Variants in CRLS1 observed in about 807,000 individuals in gnomAD.
CRLS1 encodes cardiolipin synthase (CMP-forming).
CRLS1 carries 24 observed loss-of-function variants against 37.0 expected under a neutral mutation model. The observed-to-expected ratio is 0.65, with a 90% CI of 0.47 to 0.91. The LOEUF is 0.91. Among genes scored for constraint, CRLS1 ranks in the 40% least tolerant of loss-of-function variants. The pLI is 0.00. For missense variants in CRLS1, 373 were observed against 395.8 expected, an observed-to-expected ratio of 0.94 and a Z score of 0.49; for synonymous variants, 135 against 159.7, an observed-to-expected ratio of 0.85 and a Z score of 1.17.
intron 3 of CRLS1, among the ~76,000 whole-genome samples, chr20:6,027,905 G>A (rs930405379): frequency 1.3e-5 from 2 of 152,176 alleles, no homozygotes; most frequent in African/African-American, 4.8e-5. Context: ...AGTTTCTCTT[G>A]TGGGAATTCC....
chr20:6,020,879 T>G (rs892575284), intron 3 of CRLS1, among the ~76,000 whole-genome samples: 2 of 150,548 alleles, frequency 1.3e-5, no homozygotes, highest in Non-Finnish European at 3.0e-5. Context: ...TGATCCGCCC[T>G]CCTCTGCCTC....
chr20:6,024,523 C>T (rs1242737213), intron 3 of CRLS1, among the ~76,000 whole-genome samples: 1 of 152,148 alleles, frequency 6.6e-6, no homozygotes, highest in African/African-American at 2.4e-5. Context: ...CTCAGGCCTC[C>T]CTATTCCCTG....
intron 3 of CRLS1, among the ~76,000 whole-genome samples, chr20:6,020,126 T>C (rs567768404): frequency 1.3e-5 from 2 of 152,366 alleles, no homozygotes; most frequent in African/African-American, 4.8e-5. Flanking sequence ...CATTTTAACA[T>C]GTAATCAATA....
intron 3 of CRLS1, among the ~76,000 whole-genome samples, chr20:6,025,265 C>A (rs370609257): frequency 7.9e-5 from 12 of 152,324 alleles, no homozygotes; most frequent in African/African-American, 2.4e-4. Flanking sequence ...GCTAATTTAT[C>A]ATTCTGAAAA....
intron 5 of CRLS1, among the ~76,000 whole-genome samples, chr20:6,033,024 GA>G (rs1477473673): frequency 6.6e-6 from 1 of 151,922 alleles, no homozygotes; most frequent in African/African-American, 2.4e-5. Context: ...GAGGTACGGG[GA>G]CAAGTGCCTT....
intron 1 of CRLS1, chr20:6,006,756 C>T: frequency 2.0e-6 from 2 of 985,384 alleles, no homozygotes; most frequent in Non-Finnish European, 2.4e-6. Context: ...TCTCTGTGGT[C>T]AAGTTAGAAA....
chr20:6,037,496 C>G lies in CRLS1; in HGVS notation c.*338C>G, dbSNP rs1980644153. 1 of 167,062 alleles carries G rather than the reference C, an allele frequency of 6.0e-6. No homozygotes were observed. The highest frequency in any genetic ancestry group is 1.3e-5 in the Non-Finnish European group (1 of 77,828). The allele number at this position is 167,062 out of a possible 1,614,324, so 10.3% of individuals were successfully genotyped here. A position where few individuals can be genotyped will look rare whatever the true frequency, so the allele number is the denominator to read the frequency against. On this transcript the variant is annotated 3_prime_UTR_variant, in exon 7 of 7. Coordinates refer to ENST00000378863, the MANE Select transcript of CRLS1 (RefSeq NM_019095.6). Reference sequence around the variant, plus strand: ...GAGCATGGGCAGAATTGACACCTCTCTTTTAAGTGAAATTTGGATTGCTCA... The same window carrying G: ...GAGCATGGGCAGAATTGACACCTCTGTTTTAAGTGAAATTTGGATTGCTCA...
At chr20:6,033,815 G>A (rs1980361840) in intron 5 of CRLS1, among the ~76,000 whole-genome samples, 2 of 152,156 alleles carry the variant, frequency 1.3e-5, no homozygotes, top group African/African-American at 2.4e-5. Context: ...AAGTAGCTGA[G>A]AGTACAGGTG....
chr20:6,024,201 C>T (rs1278318112), intron 3 of CRLS1, among the ~76,000 whole-genome samples: 1 of 152,130 alleles, frequency 6.6e-6, no homozygotes, highest in Non-Finnish European at 1.5e-5. Context: ...AGTGATCCTC[C>T]CACCTCAGCC....
At chr20:6,005,950 C>T, upstream of CRLS1, 1 of 254,082 alleles carries the variant, frequency 3.9e-6, no homozygotes. Flanking sequence ...GAGAAGAGAG[C>T]GCCGCGTACC....
At chr20:6,021,363 G>A (rs1979277998) in intron 3 of CRLS1, among the ~76,000 whole-genome samples, 1 of 152,078 alleles carries the variant, frequency 6.6e-6, no homozygotes, top group African/African-American at 2.4e-5. Flanking sequence ...CTCTGCACCC[G>A]GCCTGCTTTG....
Position 6,006,489 on chromosome 20 carries a change from C to T in CRLS1, c.243C>T (p.Ala81=). The change falls in exon 1 of 7, where the codon GCC becomes GCT. Residue 81 remains alanine (A), a synonymous_variant. Coordinates refer to ENST00000378863, the MANE Select transcript of CRLS1 (RefSeq NM_019095.6). ...GGAAGGCGGCTCCCAGGCCAGCGGC[C>T]GGAGCGGGCGCCGCTGCCGAAGCCC... The part of the protein sequence containing the change: ...GAGKAAPRPA[A]GAGAAAEAPG... The T allele has an allele frequency of 6.6e-6, 9 of 1,372,806 alleles. No individual in the cohort carries two copies. Among genetic ancestry groups the T allele is most frequent in the Non-Finnish European group, 8.4e-6 (9 of 1,068,368 alleles). 85.0% of individuals were successfully genotyped at this position (1,372,806 alleles called of 1,614,324 possible).
In CRLS1 at chr20:6,024,959, G is replaced by T. The variant is rs539282213; in HGVS notation, c.575-6326G>T. ...GTTGCAGAAGAAAAGTTGGAAGCTA[G>T]CCAACCTTGGTTTGTGCAGTTTAAG... On this transcript the variant is annotated intron_variant, in intron 3 of 6. Transcript: ENST00000378863. 2.1e-3 allele frequency among the ~76,000 whole-genome samples: 317 copies of T among 152,308 alleles called. 2 individuals carry two copies. Among genetic ancestry groups the T allele is most frequent in the African/African-American group, 7.5e-3 (311 of 41,576 alleles).
chr20:6,023,638 G>GTTTTTT (rs11480139), intron 3 of CRLS1, among the ~76,000 whole-genome samples: 1 of 144,924 alleles, frequency 6.9e-6, no homozygotes, highest in African/African-American at 2.6e-5. Flanking sequence ...AAAAATCTTT[G>GTTTTTT]TTTTTTTTTT....
At chr20:6,019,512 C>CTTTTTTTTTTT (rs10610960) in intron 3 of CRLS1, among the ~76,000 whole-genome samples, 2 of 118,490 alleles carry the variant, frequency 1.7e-5, no homozygotes, top group Non-Finnish European at 1.7e-5. Context: ...TTTTTTGTCC[C>CTTTTTTTTTTT]TTTTTTTTTT....
At chr20:6,013,123 G>C (rs2122932171) in intron 2 of CRLS1, among the ~76,000 whole-genome samples, 1 of 151,726 alleles carries the variant, frequency 6.6e-6, no homozygotes, top group Non-Finnish European at 1.5e-5. Context: ...TATATACTGG[G>C]GAATTATATC....
At chr20:6,007,525 T>A in intron 1 of CRLS1, 1 of 1,012,756 alleles carries the variant, frequency 9.9e-7, no homozygotes, top group Non-Finnish European at 1.5e-6. Context: ...TATGTGGAGC[T>A]AAAAAGAACT....
intron 1 of CRLS1, chr20:6,007,191 C>G: frequency 7.1e-7 from 1 of 1,401,068 alleles, no homozygotes; most frequent in Non-Finnish European, 9.4e-7. Flanking sequence ...GTTAGCAAGA[C>G]TCATGCAATT....
intron 2 of CRLS1, among the ~76,000 whole-genome samples, chr20:6,011,572 CTTTTTTTT>C (rs559511975): frequency 0.012 from 325 of 27,826 alleles, no homozygotes; most frequent in Non-Finnish European, 0.02. Context: ...TTTGTCCCTG[CTTTTTTTT>C]TTTTTTTTTT....
Sources: allele counts gnomAD v4.1 joint callset (sites outside exome capture counted in the v4.1 genomes callset), GRCh38; gene constraint gnomAD v4.1.1; transcripts MANE v1.5; gene names NCBI Gene and HGNC (gene_info 2026-07-23, HGNC 2026-07-21).